Variants in GYPC observed in about 807,000 individuals in gnomAD.
GYPC encodes glycophorin-C.
In GYPC, 14 loss-of-function variants were observed where a neutral mutation model predicts 12.6. That is an observed-to-expected ratio of 1.11 (90% confidence interval 0.74 to 1.74). The LOEUF is 1.74. GYPC is among the 40% of genes most tolerant of loss of function. The pLI, the probability that GYPC is intolerant of heterozygous loss-of-function variation, is 0.00. For missense variants in GYPC, 225 were observed against 172.1 expected (o/e 1.31, Z -1.72); for synonymous variants, 78 against 62.1 (o/e 1.26, Z -1.20).
chr2:126,676,546 G>A (rs1256455405), intron 1 of GYPC, among the ~76,000 whole-genome samples: 1 of 152,218 alleles, frequency 6.6e-6, no homozygotes, highest in Non-Finnish European at 1.5e-5. Flanking sequence ...GATGGCAGTT[G>A]ATTTGTGTCA....
intron 3 of GYPC, among the ~76,000 whole-genome samples, chr2:126,694,308 T>A (rs1683577103): frequency 6.6e-6 from 1 of 152,050 alleles, no homozygotes. Flanking sequence ...CCCACATTAT[T>A]TTCTGCCCTG....
chr2:126,694,822 G>A (rs1171953966), intron 3 of GYPC, among the ~76,000 whole-genome samples: 2 of 149,906 alleles, frequency 1.3e-5, no homozygotes, highest in African/African-American at 5.0e-5. Flanking sequence ...TTGCTCTGCA[G>A]CTTCAAAGTA....
At chr2:126,682,775 C>T (rs1465923107) in intron 1 of GYPC, among the ~76,000 whole-genome samples, 1 of 152,190 alleles carries the variant, frequency 6.6e-6, no homozygotes, top group African/African-American at 2.4e-5. Flanking sequence ...TTGTCTTAAG[C>T]CTGAGCTTCT....
intron 1 of GYPC, chr2:126,679,491 G>A (rs1683098674): frequency 6.6e-6 from 1 of 152,218 alleles, no homozygotes; most frequent in African/African-American, 2.4e-5. Context: ...GGATCAGCCA[G>A]GATATGTCAG....
intron 1 of GYPC, among the ~76,000 whole-genome samples, chr2:126,681,898 G>A (rs531229916): frequency 1.3e-5 from 2 of 152,312 alleles, no homozygotes; most frequent in East Asian, 3.9e-4. Flanking sequence ...ACCTGTCTGC[G>A]CCATGCCTGG....
At chr2:126,656,378 G>A (rs1174845368) in intron 1 of GYPC, 66 bp downstream of exon 1, 75 of 1,416,316 alleles carry the variant, frequency 5.3e-5, no homozygotes, top group Middle Eastern at 2.4e-4. Flanking sequence ...AGCAGCCAGG[G>A]GCCGAGCCAC....
At chr2:126,679,401 G>A (rs374104913) in intron 1 of GYPC, among the ~76,000 whole-genome samples, 7 of 152,252 alleles carry the variant, frequency 4.6e-5, no homozygotes, top group South Asian at 2.1e-4. Context: ...ACTATTGAGC[G>A]ACTTAGAGAA....
chr2:126,678,701 G>C (rs1683079329), intron 1 of GYPC: 1 of 152,398 alleles, frequency 6.6e-6, no homozygotes, highest in Admixed American at 6.5e-5. Context: ...TGTGGGTCCT[G>C]TTGTCTCTGG....
At chr2:126,682,006 C>A (rs1683162279) in intron 1 of GYPC, among the ~76,000 whole-genome samples, 2 of 152,086 alleles carry the variant, frequency 1.3e-5, no homozygotes, top group South Asian at 4.1e-4. Context: ...TGCACACCCT[C>A]ACCCTCCTCA....
intron 1 of GYPC, chr2:126,675,731 C>A: frequency 1.0e-6 from 1 of 975,564 alleles, no homozygotes; most frequent in Non-Finnish European, 1.2e-6. Flanking sequence ...CCTTCATTGC[C>A]CTTTCCTCAC....
chr2:126,668,831 A>T (rs1399223990), intron 1 of GYPC, among the ~76,000 whole-genome samples: 1 of 152,158 alleles, frequency 6.6e-6, no homozygotes, highest in African/African-American at 2.4e-5. Flanking sequence ...GCTGCCCTCA[A>T]AGCCTTGTTG....
intron 2 of GYPC, among the ~76,000 whole-genome samples, chr2:126,692,112 C>G (rs561081495): frequency 1.3e-5 from 2 of 152,260 alleles, no homozygotes; most frequent in East Asian, 3.9e-4. Context: ...AAGTCTAGCA[C>G]CCACTTGAAC....
intron 1 of GYPC, among the ~76,000 whole-genome samples, chr2:126,681,756 G>A (rs1244213864): frequency 1.4e-5 from 2 of 146,082 alleles, no homozygotes; most frequent in Admixed American, 6.9e-5. Context: ...TCCAGCCTGG[G>A]CAACAGAGCA....
intron 1 of GYPC, among the ~76,000 whole-genome samples, chr2:126,681,976 A>G (rs1021684167): frequency 6.6e-6 from 1 of 152,166 alleles, no homozygotes; most frequent in Non-Finnish European, 1.5e-5. Context: ...GGGTGACCCC[A>G]GGAGCATGGT....
At chr2:126,667,072 G>A (rs966616167) in intron 1 of GYPC, among the ~76,000 whole-genome samples, 21 of 152,200 alleles carry the variant, frequency 1.4e-4, no homozygotes, top group African/African-American at 5.1e-4. Flanking sequence ...CATCTGCCAT[G>A]TAGAATATCT....
chr2:126,666,066 C>T (rs543140909), intron 1 of GYPC, among the ~76,000 whole-genome samples: 34 of 152,308 alleles, frequency 2.2e-4, no homozygotes, highest in South Asian at 8.3e-4. Context: ...CCCCCACACC[C>T]GGAACCACTT....
chr2:126,675,937 T>G (rs541565888), intron 1 of GYPC, among the ~76,000 whole-genome samples: 3 of 152,368 alleles, frequency 2.0e-5, no homozygotes, highest in African/African-American at 7.2e-5. Context: ...GAAGTAGTTA[T>G]GTTAAATGTG....
chr2:126,693,932 A>T lies in GYPC; in HGVS notation c.175A>T (p.Ile59Phe). Residue 59 changes from isoleucine (I) to phenylalanine (F), a missense_variant, in exon 3 of 4, where the codon ATT becomes TTT. Transcript: ENST00000259254. ...GACCTCCACCCCCACCATAATGGAC[A>T]TTGTCGTCATTGCAGGTGAGCTCTC... is the stretch of plus-strand genomic sequence containing the variant. ...METSTPTIMD[I>F]VVIAGVIAAV... 1 of 1,608,190 alleles carries T rather than the reference A, an allele frequency of 6.2e-7. No individual in the cohort carries two copies. Among genetic ancestry groups the T allele is most frequent in the Non-Finnish European group, 8.5e-7 (1 of 1,174,654 alleles).
intron 1 of GYPC, among the ~76,000 whole-genome samples, chr2:126,681,643 G>A (rs1683151119): frequency 6.6e-6 from 1 of 152,124 alleles, no homozygotes; most frequent in Non-Finnish European, 1.5e-5. Context: ...GTCAGGCACT[G>A]TGTACCACAA....
Sources: gnomAD v4.1 joint callset for allele counts (sites outside exome capture counted in the v4.1 genomes callset) on GRCh38, gnomAD v4.1.1 for gene constraint, MANE v1.5 for transcripts, NCBI Gene and HGNC (gene_info 2026-07-23, HGNC 2026-07-21) for gene names.